The following GALNT13 variants were observed in gnomAD, a reference collection of about 807,000 sequenced individuals.
GALNT13 encodes the protein polypeptide N-acetylgalactosaminyltransferase 13.
GALNT13 carries 28 observed loss-of-function variants against 64.2 expected under a neutral mutation model. The ratio of observed to expected loss-of-function variants is 0.44; its 90% CI spans 0.32 to 0.60. The LOEUF is 0.60. Among genes scored for constraint, GALNT13 ranks in the 20% least tolerant of loss-of-function variants. The probability of loss-of-function intolerance (pLI) is 0.05; values close to 1 mark genes in which losing one functional copy is unlikely to be tolerated. For synonymous variants in GALNT13, 214 were observed against 224.6 expected (o/e 0.95, Z 0.42); for missense variants, 577 against 669.8 (o/e 0.86, Z 1.53).
At chr2:153,497,058 G>A in the GALNT13 span, among the ~76,000 whole-genome samples, 1 of 151,136 alleles carries the variant, frequency 6.6e-6, no homozygotes, top group Non-Finnish European at 1.5e-5. Context: ...GACATAATAG[G>A]TACTGCATTC....
At chr2:153,437,496 G>T in the GALNT13 span, among the ~76,000 whole-genome samples, 1 of 152,152 alleles carries the variant, frequency 6.6e-6, no homozygotes, top group South Asian at 2.1e-4. Context: ...CTTGCTTTAT[G>T]AATCTGGGTG....
the GALNT13 span, among the ~76,000 whole-genome samples, chr2:153,160,006 A>G: frequency 3.9e-5 from 6 of 152,352 alleles, no homozygotes; most frequent in East Asian, 9.7e-4. Context: ...GTTAAAGATT[A>G]TCAAGCTATA....
intron 11 of GALNT13, among the ~76,000 whole-genome samples, chr2:154,435,067 A>G (rs799770): frequency 0.1 from 15,168 of 152,268 alleles, 1,102 homozygotes; most frequent in East Asian, 0.25. Flanking sequence ...TAGACTTTGA[A>G]CCAATTAATT....
At chr2:154,167,788 C>T (rs1304877914) in intron 4 of GALNT13, among the ~76,000 whole-genome samples, 1 of 152,012 alleles carries the variant, frequency 6.6e-6, no homozygotes, top group East Asian at 1.9e-4. Context: ...AGAAAGGCAG[C>T]CTTGCTTGGG....
intron 3 of GALNT13, among the ~76,000 whole-genome samples, chr2:153,971,671 A>G (rs1269870209): frequency 6.6e-6 from 1 of 152,168 alleles, no homozygotes; most frequent in Non-Finnish European, 1.5e-5. Flanking sequence ...GTTTTCCAAC[A>G]ACTGAAAGCT....
chr2:153,886,794 A>G (rs912756028), intron 1 of GALNT13, among the ~76,000 whole-genome samples: 3 of 152,008 alleles, frequency 2.0e-5, no homozygotes, highest in African/African-American at 7.2e-5. Context: ...ATTAAGTTAC[A>G]TATTAAAGTT....
the GALNT13 span, among the ~76,000 whole-genome samples, chr2:153,178,354 A>G: frequency 1.3e-5 from 2 of 152,114 alleles, no homozygotes; most frequent in Non-Finnish European, 2.9e-5. Flanking sequence ...TTTTCTTCAT[A>G]TCTTAGCGAA....
the GALNT13 span, among the ~76,000 whole-genome samples, chr2:153,130,467 G>T: frequency 6.6e-6 from 1 of 152,092 alleles, no homozygotes; most frequent in Admixed American, 6.6e-5. Flanking sequence ...ATTGCTATTT[G>T]CTGAAAACTC....
chr2:153,223,393 T>C, the GALNT13 span, among the ~76,000 whole-genome samples: 2 of 152,322 alleles, frequency 1.3e-5, no homozygotes, highest in African/African-American at 2.4e-5. Context: ...CAGGCTCTCA[T>C]AGAATATTCT....
chr2:153,859,432 A>G, the GALNT13 span, among the ~76,000 whole-genome samples: 1 of 152,096 alleles, frequency 6.6e-6, no homozygotes, highest in African/African-American at 2.4e-5. Context: ...TTCATAAACC[A>G]ATGAATCTCA....
the GALNT13 span, among the ~76,000 whole-genome samples, chr2:153,701,140 A>G: frequency 2.0e-5 from 3 of 152,298 alleles, no homozygotes; most frequent in African/African-American, 7.2e-5. Flanking sequence ...CTGGTACCCA[A>G]ACAGACATAA....
the GALNT13 span, among the ~76,000 whole-genome samples, chr2:153,147,817 G>A: frequency 6.6e-6 from 1 of 151,686 alleles, no homozygotes; most frequent in Non-Finnish European, 1.5e-5. Context: ...TTCATTAGTT[G>A]GTCTGCAAAA....
rs550013686 is a variant in GALNT13, at chr2:153,995,309, T to C, written c.142+50670T>C. On this transcript the variant is annotated intron_variant, in intron 3 of 12. Transcript: ENST00000392825. ...ATAAAATTGAACTCTCAGTTCATTT[T>C]AATTAAAACATTTATTTTATGTTTA... Among the ~76,000 whole-genome samples the C allele has an allele frequency of 4.6e-5, 7 of 152,292 alleles. 1 individual carries two copies. The South Asian group carries it at 1.4e-3, about 32-fold the overall frequency.
chr2:153,185,394 C>T, the GALNT13 span, among the ~76,000 whole-genome samples: 3 of 151,932 alleles, frequency 2.0e-5, no homozygotes, highest in African/African-American at 7.3e-5. Context: ...TTATTTCTTT[C>T]TCAAAAAACC....
the GALNT13 span, among the ~76,000 whole-genome samples, chr2:153,777,044 G>GTTTGT: frequency 1.3e-5 from 2 of 151,236 alleles, no homozygotes; most frequent in African/African-American, 4.9e-5. Flanking sequence ...TTGTTTGTTT[G>GTTTGT]TTTGTTTTGT....
At chr2:153,398,824 C>A in the GALNT13 span, among the ~76,000 whole-genome samples, 31 of 137,800 alleles carry the variant, frequency 2.2e-4, no homozygotes, top group African/African-American at 8.6e-4. Flanking sequence ...TGGATATTAG[C>A]CCTTTGTCAG....
At chr2:154,170,830 A>T (rs139805672) in intron 4 of GALNT13, among the ~76,000 whole-genome samples, 2 of 152,328 alleles carry the variant, frequency 1.3e-5, no homozygotes, top group East Asian at 3.9e-4. Flanking sequence ...GAATTCCAAC[A>T]TGAAAATATC....
At chr2:154,126,152 A>G (rs1028106773) in intron 3 of GALNT13, among the ~76,000 whole-genome samples, 2 of 152,118 alleles carry the variant, frequency 1.3e-5, no homozygotes, top group African/African-American at 2.4e-5. Flanking sequence ...TCATCAATCT[A>G]CTTTTTCCCA....
intron 2 of GALNT13, among the ~76,000 whole-genome samples, chr2:153,913,812 C>A (rs1392549307): frequency 1.3e-5 from 2 of 152,172 alleles, no homozygotes; most frequent in Non-Finnish European, 2.9e-5. Flanking sequence ...CATCTGTTCT[C>A]AATGCCTTGC....
Sources: gnomAD v4.1 joint callset for allele counts (sites outside exome capture counted in the v4.1 genomes callset) on GRCh38, gnomAD v4.1.1 for gene constraint, MANE v1.5 for transcripts, NCBI Gene and HGNC (gene_info 2026-07-23, HGNC 2026-07-21) for gene names.